The following GMDS variants were observed in gnomAD, a reference collection of about 807,000 sequenced individuals.
GMDS encodes the protein GDP-mannose 4,6 dehydratase.
A neutral mutation model predicts 49.9 loss-of-function variants in GMDS; 20 were observed. That is an observed-to-expected ratio of 0.40 (90% CI 0.28 to 0.58). The LOEUF is 0.58. Among genes scored for constraint, GMDS ranks in the 20% least tolerant of loss-of-function variants. The pLI is 0.42. For synonymous variants in GMDS, 177 were observed against 178.6 expected (o/e 0.99, Z 0.07); for missense variants, 362 against 481.4 (o/e 0.75, Z 2.32).
At chr6:2,159,149 T>C (rs912253304) in intron 1 of GMDS, among the ~76,000 whole-genome samples, 2 of 152,202 alleles carry the variant, frequency 1.3e-5, no homozygotes, top group Non-Finnish European at 2.9e-5. Context: ...GGGATACATA[T>C]TAAATTTAGG....
intron 1 of GMDS, among the ~76,000 whole-genome samples, chr6:2,146,028 A>G (rs564917910): frequency 6.6e-6 from 1 of 152,264 alleles, no homozygotes; most frequent in African/African-American, 2.4e-5. Context: ...ACAAAACATA[A>G]GTCACCAGTA....
intron 6 of GMDS, among the ~76,000 whole-genome samples, chr6:1,946,730 T>C (rs1260168902): frequency 6.6e-6 from 1 of 152,094 alleles, no homozygotes; most frequent in Admixed American, 6.6e-5. Context: ...GCTCAGCCCT[T>C]GGCTGCAGAA....
intron 4 of GMDS, among the ~76,000 whole-genome samples, chr6:2,082,451 C>A (rs577980622): frequency 1.3e-5 from 2 of 152,200 alleles, no homozygotes; most frequent in African/African-American, 4.8e-5. Context: ...TCTGGCAGGT[C>A]CCCTCATAAA....
intron 4 of GMDS, among the ~76,000 whole-genome samples, chr6:2,054,875 C>A (rs1292794600): frequency 6.6e-6 from 1 of 151,966 alleles, no homozygotes; most frequent in East Asian, 1.9e-4. Context: ...TGACCCCTGA[C>A]CCTGAGTAGA....
chr6:1,847,085 C>G (rs944118726), intron 7 of GMDS, among the ~76,000 whole-genome samples: 1 of 152,150 alleles, frequency 6.6e-6, no homozygotes, highest in East Asian at 1.9e-4. Flanking sequence ...AAAAGACGGT[C>G]TTGCTCTGCC....
chr6:2,230,936 C>CA (rs1781064749), intron 1 of GMDS, among the ~76,000 whole-genome samples: 2 of 28,802 alleles, frequency 6.9e-5, no homozygotes, highest in Non-Finnish European at 1.5e-4. Context: ...CTCTTCCCCC[C>CA]TCCCACCCCC....
chr6:2,122,363 T>A (rs564620092), intron 2 of GMDS, among the ~76,000 whole-genome samples: 42 of 152,276 alleles, frequency 2.8e-4, no homozygotes, highest in African/African-American at 9.9e-4. Context: ...CACTAAAGGC[T>A]GAGAGTCTGA....
intron 7 of GMDS, among the ~76,000 whole-genome samples, chr6:1,929,329 G>A (rs776237962): frequency 5.9e-5 from 9 of 152,216 alleles, no homozygotes; most frequent in Non-Finnish European, 1.3e-4. Context: ...CCAGGGAAAG[G>A]ACAATGTCTC....
rs191530764 is a variant in GMDS at position 1,753,246 on chromosome 6, T to C, written c.772-10660A>G. Among the ~76,000 whole-genome samples the C allele has an allele frequency of 2.0e-5, 3 of 152,272 alleles. No individual in the cohort carries two copies. In the East Asian group the frequency reaches 5.8e-4, roughly 29 times the overall value. On this transcript the variant is annotated intron_variant, in intron 7 of 10. Coordinates refer to ENST00000380815, the MANE Select transcript of GMDS (RefSeq NM_001500.4). ...AAAAAAGCAGGGGGTGCAATCCTAGTCTCTGATAAAACAGATTTTAAATGA... is the reference window on the plus strand; with the variant it reads ...AAAAAAGCAGGGGGTGCAATCCTAGCCTCTGATAAAACAGATTTTAAATGA...
At position 1,624,519 on chromosome 6, in the gene GMDS, T is replaced by A; in HGVS notation, c.1009A>T (p.Thr337Ser). Reference sequence around the variant, plus strand: ...CAGTTCAGCTTCTGTTTCGCTTTGGTGCAGTCGCCCTGCAGAAAGTCCTAG... The same window carrying A: ...CAGTTCAGCTTCTGTTTCGCTTTGGAGCAGTCGCCCTGCAGAAAGTCCTAG... ...TEVDFLQGDC[T>S]KAKQKLNWKP... The change falls in exon 10 of 11, where the codon ACC becomes TCC. Residue 337 changes from threonine (T) to serine (S), a missense_variant. Coordinates refer to ENST00000380815, the MANE Select transcript of GMDS (RefSeq NM_001500.4). 1 of 1,613,714 alleles carries A rather than the reference T, an allele frequency of 6.2e-7. No individual in the cohort carries two copies. The highest frequency in any genetic ancestry group is 1.1e-5 in the South Asian group (1 of 91,060).
intron 7 of GMDS, among the ~76,000 whole-genome samples, chr6:1,847,492 A>T (rs570041763): frequency 5.8e-4 from 89 of 152,316 alleles, no homozygotes; most frequent in African/African-American, 2.0e-3. Flanking sequence ...TTTAAATACC[A>T]TCACCTCAGT....
intron 7 of GMDS, among the ~76,000 whole-genome samples, chr6:1,860,872 A>G (rs1758150372): frequency 6.6e-6 from 1 of 152,174 alleles, no homozygotes; most frequent in Non-Finnish European, 1.5e-5. Context: ...AGGAGAGAGG[A>G]ACCTAGGCAG....
chr6:1,712,995 G>A (rs909314790), intron 9 of GMDS, among the ~76,000 whole-genome samples: 1 of 152,208 alleles, frequency 6.6e-6, no homozygotes, highest in African/African-American at 2.4e-5. Context: ...GCTGCAGATA[G>A]TGAGAAGGCC....
intron 4 of GMDS, among the ~76,000 whole-genome samples, chr6:2,067,178 G>A (rs1771659191): frequency 6.6e-6 from 1 of 151,650 alleles, no homozygotes; most frequent in Non-Finnish European, 1.5e-5. Context: ...GGTACATAAC[G>A]AAATGAAGGC....
At chr6:2,065,370 C>T (rs1301286315) in intron 4 of GMDS, among the ~76,000 whole-genome samples, 1 of 152,190 alleles carries the variant, frequency 6.6e-6, no homozygotes, top group Non-Finnish European at 1.5e-5. Context: ...GAGCGCCTCT[C>T]CTCCTCCAAA....
At chr6:1,705,905 G>C (rs1765719425) in intron 9 of GMDS, among the ~76,000 whole-genome samples, 1 of 152,212 alleles carries the variant, frequency 6.6e-6, no homozygotes, top group Non-Finnish European at 1.5e-5. Flanking sequence ...ACACAGCAAT[G>C]AGAAGGGTGG....
intron 4 of GMDS, among the ~76,000 whole-genome samples, chr6:1,962,768 T>C (rs1764030811): frequency 1.3e-5 from 2 of 152,054 alleles, no homozygotes; most frequent in Admixed American, 1.3e-4. Flanking sequence ...TATATACATA[T>C]GCATATACAT....
At chr6:2,158,260 C>A (rs1045445412) in intron 1 of GMDS, among the ~76,000 whole-genome samples, 1 of 151,886 alleles carries the variant, frequency 6.6e-6, no homozygotes, top group African/African-American at 2.4e-5. Context: ...AAAACAATAG[C>A]AAAATAAAAC....
intron 1 of GMDS, among the ~76,000 whole-genome samples, chr6:2,241,419 G>A (rs932203435): frequency 6.6e-6 from 1 of 152,202 alleles, no homozygotes; most frequent in Non-Finnish European, 1.5e-5. Context: ...TTTTGCATGT[G>A]AGAAGGATGA....
Sources: allele counts gnomAD v4.1 joint callset (sites outside exome capture counted in the v4.1 genomes callset), GRCh38; gene constraint gnomAD v4.1.1; transcripts MANE v1.5; gene names NCBI Gene and HGNC (gene_info 2026-07-23, HGNC 2026-07-21).